The following JPH2 variants were observed in gnomAD, a reference collection of about 807,000 sequenced individuals.
JPH2 encodes junctophilin 2, also known as junctophilin-2.
A neutral mutation model predicts 55.9 loss-of-function variants in JPH2; 38 were observed. The observed-to-expected ratio is 0.68, with a 90% CI of 0.52 to 0.89. The LOEUF (loss-of-function observed/expected upper bound fraction) is 0.89, where lower values mean the gene tolerates loss of function less well. Ranked by LOEUF, JPH2 falls within the 40% of genes least tolerant of loss-of-function variation. JPH2 has a pLI of 0.00. For synonymous variants in JPH2, 480 were observed against 472.4 expected (o/e 1.02, Z -0.21); for missense variants, 964 against 1,037.6 (o/e 0.93, Z 0.97).
rs777795267 is a variant in JPH2, at chr20:44,116,014, G to A, written c.1661C>T (p.Pro554Leu). Residue 554 changes from proline to leucine, a missense_variant, in exon 4 of 6, where the codon CCG becomes CTG. Coordinates refer to ENST00000372980, the MANE Select transcript of JPH2 (RefSeq NM_020433.5). ...AIEALQAPPA[P>L]SREPEVALYQ... ...AAGCGCCACCTCCGGCTCCCGCGACGGCGCAGGCGGTGCCTGCAGAGCCTC... is the reference window on the plus strand; with the variant it reads ...AAGCGCCACCTCCGGCTCCCGCGACAGCGCAGGCGGTGCCTGCAGAGCCTC... 6 of 1,581,180 alleles carry A rather than the reference G, an allele frequency of 3.8e-6. No homozygotes were observed. The East Asian group carries it at 6.8e-5, about 18-fold the overall frequency.
intron 2 of JPH2, among the ~76,000 whole-genome samples, chr20:44,142,579 C>T (rs1177417083): frequency 6.6e-6 from 1 of 152,184 alleles, no homozygotes; most frequent in Non-Finnish European, 1.5e-5. Flanking sequence ...AGCTCCGTGT[C>T]TCTGCTTCAA....
At chr20:44,120,589 T>C (rs2072228146) in intron 2 of JPH2, among the ~76,000 whole-genome samples, 1 of 151,950 alleles carries the variant, frequency 6.6e-6, no homozygotes, top group Non-Finnish European at 1.5e-5. Context: ...GGTCACAGAG[T>C]CCTGAAGTGC....
At chr20:44,127,747 C>G (rs892019238) in intron 2 of JPH2, among the ~76,000 whole-genome samples, 103 of 152,148 alleles carry the variant, frequency 6.8e-4, no homozygotes, top group African/African-American at 2.4e-3. Context: ...CTCAGCCTCC[C>G]AAAGTGCTGG....
chr20:44,119,290 C>T (rs2072217840), intron 2 of JPH2, among the ~76,000 whole-genome samples: 1 of 152,146 alleles, frequency 6.6e-6, no homozygotes, highest in Non-Finnish European at 1.5e-5. Flanking sequence ...TATAATATGA[C>T]ATGAAAATAT....
intron 2 of JPH2, among the ~76,000 whole-genome samples, chr20:44,138,101 G>A (rs946703796): frequency 5.4e-5 from 8 of 148,908 alleles, no homozygotes; most frequent in African/African-American, 1.2e-4. Flanking sequence ...TCTGCCTCCC[G>A]GGCTCAAGCA....
intron 2 of JPH2, among the ~76,000 whole-genome samples, chr20:44,121,531 G>A (rs2072236137): frequency 1.3e-5 from 2 of 152,158 alleles, no homozygotes; most frequent in African/African-American, 2.4e-5. Flanking sequence ...GTTCAGAAAG[G>A]TGTCTTGCTC....
chr20:44,183,525 G>C (rs1182666386), intron 1 of JPH2, among the ~76,000 whole-genome samples: 1 of 152,184 alleles, frequency 6.6e-6, no homozygotes, highest in Non-Finnish European at 1.5e-5. Flanking sequence ...TCCTGCATCT[G>C]AGGCTGCTCT....
intron 1 of JPH2, among the ~76,000 whole-genome samples, chr20:44,165,237 T>G (rs938278166): frequency 1.3e-5 from 2 of 151,902 alleles, no homozygotes; most frequent in Middle Eastern, 3.2e-3. Flanking sequence ...AATTACACCT[T>G]GATACAGTTG....
intron 2 of JPH2, among the ~76,000 whole-genome samples, chr20:44,156,448 C>T (rs2072567273): frequency 6.6e-6 from 1 of 152,184 alleles, no homozygotes; most frequent in Non-Finnish European, 1.5e-5. Flanking sequence ...TGGTCATAAG[C>T]CTGGTCCTGC....
chr20:44,128,934 T>C (rs2072295750), intron 2 of JPH2, among the ~76,000 whole-genome samples: 1 of 152,194 alleles, frequency 6.6e-6, no homozygotes, highest in African/African-American at 2.4e-5. Context: ...TGCTTTGATT[T>C]TTCCATCTGT....
At chr20:44,143,467 G>A (rs1231233397) in intron 2 of JPH2, among the ~76,000 whole-genome samples, 1 of 152,180 alleles carries the variant, frequency 6.6e-6, no homozygotes, top group African/African-American at 2.4e-5. Flanking sequence ...TCTGCCGCTT[G>A]GGAAACTCCC....
chr20:44,128,925 G>A (rs2072295707), intron 2 of JPH2, among the ~76,000 whole-genome samples: 2 of 152,144 alleles, frequency 1.3e-5, no homozygotes, highest in Admixed American at 1.3e-4. Context: ...AATTCTCTGT[G>A]CTTTGATTTT....
chr20:44,117,423 G>A (rs957120782), intron 3 of JPH2, among the ~76,000 whole-genome samples: 83 of 152,246 alleles, frequency 5.5e-4, no homozygotes, highest in African/African-American at 1.8e-3. Flanking sequence ...AGGACCCACA[G>A]CCTACTTTGT....
rs866410190 is a variant in JPH2 at position 44,162,781 on chromosome 20, T to C, written c.380-2374A>G. Among the ~76,000 whole-genome samples, 174 of 69,984 alleles carry C rather than the reference T, an allele frequency of 2.5e-3. 1 individual carries two copies. The highest frequency in any genetic ancestry group is 0.013 in the Middle Eastern group (2 of 152). The allele number at this position is 69,984 out of a possible 152,430, so 45.9% of individuals were successfully genotyped here. ...ATATATATATATATATATATATATATATATATACACACACACACACACACA... is the reference window on the plus strand; with the variant it reads ...ATATATATATATATATATATATATACATATATACACACACACACACACACA... On this transcript the variant is annotated intron_variant, in intron 1 of 5. Coordinates refer to ENST00000372980, the MANE Select transcript of JPH2 (RefSeq NM_020433.5).
In JPH2 at chr20:44,110,539, C is replaced by T. The variant is rs1432908215; in HGVS notation, c.*2979G>A. Among the ~76,000 whole-genome samples, 7 of 152,100 alleles carry T rather than the reference C, an allele frequency of 4.6e-5. No individual in the cohort carries two copies. The highest frequency in any genetic ancestry group is 1.3e-4 in the Admixed American group (2 of 15,284). ...TCCAGGGTTCAAGTGCTTCTCCTGC[C>T]TCAGTCTCCCAACTAGCTGGGTTTA... On this transcript the variant is annotated 3_prime_UTR_variant, in exon 6 of 6. Coordinates refer to ENST00000372980, the MANE Select transcript of JPH2 (RefSeq NM_020433.5).
At position 44,186,654 on chromosome 20, in the gene JPH2, A is replaced by T. The variant is rs1488866517; in HGVS notation, c.52T>A (p.Trp18Arg). ...FDDGGAYCGG[W>R]EGGKAHGHGL... ...TGCCCATGGGCCTTTCCCCCCTCCC[A>T]GCCCCCGCAGTACGCCCCTCCATCA... Residue 18 changes from tryptophan (W) to arginine (R), a missense_variant, in exon 1 of 6, where the codon TGG becomes AGG. Physicochemically the swap from Trp to Arg is moderately radical, Grantham distance 101. Coordinates refer to ENST00000372980, the MANE Select transcript of JPH2 (RefSeq NM_020433.5). 1 of 1,214,776 alleles carries T rather than the reference A, an allele frequency of 8.2e-7. No individual in the cohort carries two copies. Among genetic ancestry groups the T allele is most frequent in the African/African-American group, 2.1e-5 (1 of 48,482 alleles). The allele number at this position is 1,214,776 out of a possible 1,614,324, so 75.2% of individuals were successfully genotyped here.
At chr20:44,180,432 A>G (rs905225843) in intron 1 of JPH2, among the ~76,000 whole-genome samples, 3 of 152,038 alleles carry the variant, frequency 2.0e-5, no homozygotes, top group African/African-American at 7.2e-5. Flanking sequence ...CCCGGGCTCA[A>G]GCGATCCTCC....
intron 2 of JPH2, among the ~76,000 whole-genome samples, chr20:44,137,277 G>A (rs2072420221): frequency 7.7e-6 from 1 of 130,142 alleles, no homozygotes; most frequent in Non-Finnish European, 1.6e-5. Context: ...GGCCTGCAAA[G>A]GCATCTTACA....
intron 2 of JPH2, among the ~76,000 whole-genome samples, chr20:44,130,489 C>T (rs946711994): frequency 1.3e-5 from 2 of 152,236 alleles, no homozygotes; most frequent in African/African-American, 4.8e-5. Flanking sequence ...CTGTGCAGGA[C>T]GGAGATCTGG....
Sources: allele counts gnomAD v4.1 joint callset (sites outside exome capture counted in the v4.1 genomes callset), GRCh38; gene constraint gnomAD v4.1.1; transcripts MANE v1.5; gene names NCBI Gene and HGNC (gene_info 2026-07-23, HGNC 2026-07-21).